TOX: variants seen among roughly 807,000 people sequenced by gnomAD.
The protein encoded by TOX is thymocyte selection associated high mobility group box, also known as thymocyte selection-associated high mobility group box protein TOX.
TOX carries 11 observed loss-of-function variants against 53.7 expected under a neutral mutation model. That is an observed-to-expected ratio of 0.20 (90% CI 0.13 to 0.34). The LOEUF (loss-of-function observed/expected upper bound fraction) is 0.34. TOX is among the 10% of genes least tolerant of loss of function. The pLI is 1.00. For synonymous variants in TOX, 225 were observed against 245.3 expected (o/e 0.92, Z 0.77); for missense variants, 570 against 664.6 (o/e 0.86, Z 1.56).
chr8:58,869,956 A>G (rs1204739776), intron 3 of TOX, among the ~76,000 whole-genome samples: 1 of 152,118 alleles, frequency 6.6e-6, no homozygotes, highest in Non-Finnish European at 1.5e-5. Flanking sequence ...TTTAAATCCT[A>G]TGGTTGATAT....
chr8:58,852,097 T>C (rs1163335741), intron 3 of TOX, among the ~76,000 whole-genome samples: 3 of 152,086 alleles, frequency 2.0e-5, no homozygotes, highest in African/African-American at 2.4e-5. Flanking sequence ...TAGTGAAATA[T>C]AGAAATATAT....
chr8:58,943,961 C>T (rs1812484936), intron 2 of TOX, among the ~76,000 whole-genome samples: 1 of 152,186 alleles, frequency 6.6e-6, no homozygotes, highest in Admixed American at 6.5e-5. Context: ...ACCATATTAA[C>T]TCAAGGTAAA....
chr8:58,867,260 A>ATAACACTT (rs1480693745), intron 3 of TOX, among the ~76,000 whole-genome samples: 28 of 152,330 alleles, frequency 1.8e-4, no homozygotes, highest in Admixed American at 1.3e-3. Context: ...TAAAGACTAA[A>ATAACACTT]ATCACTTATA....
At chr8:59,019,860 A>G (rs184300797) in intron 1 of TOX, among the ~76,000 whole-genome samples, 139 of 152,324 alleles carry the variant, frequency 9.1e-4, no homozygotes, top group African/African-American at 3.0e-3. Context: ...CGGCCATGTA[A>G]CACTTAGAAG....
intron 3 of TOX, among the ~76,000 whole-genome samples, chr8:58,899,900 A>G (rs2326213): frequency 0.55 from 83,907 of 151,996 alleles, 23,664 homozygotes; most frequent in African/African-American, 0.66. Flanking sequence ...ACATGAGTGA[A>G]TGTTATTAGC....
intron 1 of TOX, among the ~76,000 whole-genome samples, chr8:59,069,946 A>G (rs943595342): frequency 6.6e-6 from 1 of 152,216 alleles, no homozygotes; most frequent in Non-Finnish European, 1.5e-5. Flanking sequence ...ACAATGTGTA[A>G]CACGGTACCC....
chr8:59,064,291 G>C (rs1804048411), intron 1 of TOX, among the ~76,000 whole-genome samples: 2 of 152,176 alleles, frequency 1.3e-5, no homozygotes, highest in South Asian at 4.1e-4. Flanking sequence ...AGGGACCTGG[G>C]TGATCGTATA....
At chr8:58,875,223 CTTTTA>C (rs973957901) in intron 3 of TOX, among the ~76,000 whole-genome samples, 2 of 152,122 alleles carry the variant, frequency 1.3e-5, no homozygotes, top group African/African-American at 2.4e-5. Flanking sequence ...TTACAGCTTA[CTTTTA>C]TTTTATTTTT....
chr8:59,056,695 C>T (rs1443782084), intron 1 of TOX, among the ~76,000 whole-genome samples: 1 of 152,104 alleles, frequency 6.6e-6, no homozygotes, highest in African/African-American at 2.4e-5. Context: ...ATTTCTACTC[C>T]GTTCTGTTAT....
chr8:59,028,179 A>T (rs1024853680), intron 1 of TOX, among the ~76,000 whole-genome samples: 5 of 152,178 alleles, frequency 3.3e-5, no homozygotes. Context: ...TCTGTTATTA[A>T]AATAGCAGCA....
chr8:59,056,010 T>A (rs527257673), intron 1 of TOX, among the ~76,000 whole-genome samples: 1 of 152,330 alleles, frequency 6.6e-6, no homozygotes, highest in South Asian at 2.1e-4. Context: ...ATTATGAGAC[T>A]GCTCATAAAC....
At chr8:58,818,457 A>G (rs774129757) in intron 6 of TOX, among the ~76,000 whole-genome samples, 14 of 152,188 alleles carry the variant, frequency 9.2e-5, no homozygotes, top group African/African-American at 3.4e-4. Flanking sequence ...AGGTGCTCCA[A>G]TATAAGTTAT....
intron 7 of TOX, among the ~76,000 whole-genome samples, chr8:58,812,319 C>G (rs185624806): frequency 1.3e-5 from 2 of 152,234 alleles, no homozygotes; most frequent in Admixed American, 6.5e-5. Flanking sequence ...ACTCCAATTC[C>G]CTGCCCTTGA....
chr8:58,829,722 C>T (rs925595202), intron 5 of TOX, among the ~76,000 whole-genome samples: 4 of 152,002 alleles, frequency 2.6e-5, no homozygotes, highest in Admixed American at 2.0e-4. Flanking sequence ...AAGGATGTTG[C>T]TTGAATTCTA....
At chr8:59,090,443 T>C (rs558870240) in intron 1 of TOX, among the ~76,000 whole-genome samples, 1 of 152,292 alleles carries the variant, frequency 6.6e-6, no homozygotes, top group South Asian at 2.1e-4. Context: ...AGGTATCCTT[T>C]ATGTATTTCT....
chr8:59,094,851 G>C (rs1804687967), intron 1 of TOX, among the ~76,000 whole-genome samples: 1 of 152,092 alleles, frequency 6.6e-6, no homozygotes, highest in African/African-American at 2.4e-5. Flanking sequence ...ACATATTTTA[G>C]TCACCTTTTA....
chr8:58,998,624 A>AATT (rs1813631048), intron 1 of TOX, among the ~76,000 whole-genome samples: 3 of 16,128 alleles, frequency 1.9e-4, no homozygotes, highest in African/African-American at 4.2e-4. Flanking sequence ...TTATATAATA[A>AATT]TATATTTTAT....
At chr8:58,941,314 A>C (rs1019110123) in intron 2 of TOX, among the ~76,000 whole-genome samples, 1 of 152,172 alleles carries the variant, frequency 6.6e-6, no homozygotes, top group African/African-American at 2.4e-5. Context: ...GTCTTTGACT[A>C]TGTTGCCTCC....
intron 3 of TOX, among the ~76,000 whole-genome samples, chr8:58,927,158 G>C (rs1812177017): frequency 1.3e-5 from 2 of 151,830 alleles, no homozygotes; most frequent in Admixed American, 1.3e-4. Flanking sequence ...TTGAAATGTA[G>C]GATCTCTCGT....
Sources: gnomAD v4.1 joint callset for allele counts (sites outside exome capture counted in the v4.1 genomes callset) on GRCh38, gnomAD v4.1.1 for gene constraint, MANE v1.5 for transcripts, NCBI Gene and HGNC (gene_info 2026-07-23, HGNC 2026-07-21) for gene names.